PHTF2: variants seen among roughly 807,000 people sequenced by gnomAD.
PHTF2 encodes protein PHTF2.
Under a neutral mutation model 101.2 loss-of-function variants are expected in PHTF2, and 60 were observed. The ratio of observed to expected loss-of-function variants is 0.59; its 90% CI spans 0.48 to 0.73. The LOEUF (loss-of-function observed/expected upper bound fraction) is 0.73. PHTF2 is among the 30% of genes least tolerant of loss of function. The pLI is 0.00. For missense variants in PHTF2, 747 were observed against 908.7 expected (o/e 0.82, Z 2.29); for synonymous variants, 311 against 307.3 (o/e 1.01, Z -0.13).
intron 6 of PHTF2, among the ~76,000 whole-genome samples, chr7:77,901,453 A>G (rs567382438): frequency 4.9e-5 from 4 of 81,490 alleles, no homozygotes; most frequent in South Asian, 5.2e-4. Flanking sequence ...GTGAGATCCT[A>G]TCTCAACAAA....
At chr7:77,867,701 T>C (rs569034465) in intron 3 of PHTF2, among the ~76,000 whole-genome samples, 3 of 152,340 alleles carry the variant, frequency 2.0e-5, no homozygotes, top group South Asian at 2.1e-4. Context: ...TGGTGTATCA[T>C]AGGAAAAAAT....
chr7:77,836,790 G>A (rs555837657), intron 1 of PHTF2, among the ~76,000 whole-genome samples: 1 of 151,898 alleles, frequency 6.6e-6, no homozygotes, highest in Non-Finnish European at 1.5e-5. Context: ...GAGACAGGGA[G>A]GGAAACATCA....
At chr7:77,934,890 C>T (rs62462695) in intron 12 of PHTF2, among the ~76,000 whole-genome samples, 5,956 of 151,214 alleles carry the variant, frequency 0.039, 180 homozygotes, top group Non-Finnish European at 0.062. Flanking sequence ...ACCCGGGAGG[C>T]GAAGGTTTCA....
At chr7:77,927,829 CTCAGAAGTAGCCTACTG>C (rs2150937805) in intron 11 of PHTF2, among the ~76,000 whole-genome samples, 1 of 152,286 alleles carries the variant, frequency 6.6e-6, no homozygotes, top group Admixed American at 6.5e-5. Flanking sequence ...TGCTTAGGGG[CTCAGAAGTAGCCTACTG>C]TCACTGGAGT....
At chr7:77,893,727 T>G (rs1800643181) in intron 4 of PHTF2, 63 bp downstream of exon 3, 1 of 710,614 alleles carries the variant, frequency 1.4e-6, no homozygotes, top group Non-Finnish European at 2.4e-6. Context: ...TAATTACATT[T>G]TCTGTAGTGT....
At chr7:77,815,870 G>A (rs542857043) in intron 1 of PHTF2, among the ~76,000 whole-genome samples, 4 of 152,044 alleles carry the variant, frequency 2.6e-5, no homozygotes, top group East Asian at 1.9e-4. Context: ...CTGCTGTCTC[G>A]GATCTGCTAG....
rs144003874 is a variant in PHTF2 at position 77,863,849 on chromosome 7, C to T, written c.147+9015C>T. Among the ~76,000 whole-genome samples, 1,222 of 149,736 alleles carry T rather than the reference C, an allele frequency of 8.2e-3. 21 individuals are homozygous for T. Among genetic ancestry groups the T allele is most frequent in the African/African-American group, 0.028 (1,142 of 40,542 alleles). On this transcript the variant is annotated intron_variant, in intron 3 of 19. Coordinates refer to ENST00000416283, the Ensembl canonical transcript of PHTF2. ...TCGCCCAAGCTGGAGTGCAGTGGCA[C>T]GATCATGGCTCACTGCAGCTTCAAC... is the stretch of plus-strand genomic sequence containing the variant.
intron 9 of PHTF2, among the ~76,000 whole-genome samples, chr7:77,915,446 C>T (rs1802819560): frequency 6.6e-6 from 1 of 152,022 alleles, no homozygotes; most frequent in African/African-American, 2.4e-5. Flanking sequence ...CTCTTGACCT[C>T]ACGATCCGCC....
At chr7:77,841,790 T>A (rs1157125045) in intron 2 of PHTF2, among the ~76,000 whole-genome samples, 1 of 152,200 alleles carries the variant, frequency 6.6e-6, no homozygotes. Context: ...TAAAAATCAG[T>A]CTGCTTAGCT....
At chr7:77,825,863 G>A (rs926011213) in intron 1 of PHTF2, among the ~76,000 whole-genome samples, 1 of 152,034 alleles carries the variant, frequency 6.6e-6, no homozygotes, top group Non-Finnish European at 1.5e-5. Context: ...AAAAATAAAC[G>A]AAAGAAGTAA....
intron 2 of PHTF2, among the ~76,000 whole-genome samples, chr7:77,843,532 G>A (rs921745337): frequency 6.6e-6 from 1 of 152,160 alleles, no homozygotes; most frequent in South Asian, 2.1e-4. Flanking sequence ...ACTGGCTTAG[G>A]TCACACAGAT....
chr7:77,942,451 T>G (rs1805706309), intron 15 of PHTF2, among the ~76,000 whole-genome samples: 1 of 152,204 alleles, frequency 6.6e-6, no homozygotes, highest in Non-Finnish European at 1.5e-5. Context: ...AAATGAAGTA[T>G]TTGAAAGTTA....
chr7:77,852,984 C>G (rs1480916525), intron 2 of PHTF2, among the ~76,000 whole-genome samples: 2 of 152,124 alleles, frequency 1.3e-5, no homozygotes, highest in African/African-American at 4.8e-5. Context: ...TGTTTCTTTT[C>G]TTTTGCCAGT....
At chr7:77,816,848 C>T (rs917036748) in intron 1 of PHTF2, among the ~76,000 whole-genome samples, 18 of 152,108 alleles carry the variant, frequency 1.2e-4, no homozygotes, top group Non-Finnish European at 2.2e-4. Flanking sequence ...TGGCTTTTTT[C>T]GCTTAACATG....
At chr7:77,856,748 T>C (rs1359182016) in intron 3 of PHTF2, among the ~76,000 whole-genome samples, 1 of 152,128 alleles carries the variant, frequency 6.6e-6, no homozygotes, top group Non-Finnish European at 1.5e-5. Flanking sequence ...ACAGTTATAA[T>C]GTATTAGGTA....
chr7:77,896,371 C>G (rs1800876319), intron 5 of PHTF2, among the ~76,000 whole-genome samples: 1 of 151,962 alleles, frequency 6.6e-6, no homozygotes, highest in African/African-American at 2.4e-5. Context: ...GCTTGGGCAA[C>G]AAAGTGAGAC....
At chr7:77,809,244 T>TTTTTTTTTTA (rs1276080098) in intron 1 of PHTF2, among the ~76,000 whole-genome samples, 2 of 128,904 alleles carry the variant, frequency 1.6e-5, no homozygotes, top group African/African-American at 6.1e-5. Flanking sequence ...TTTTTTTTTT[T>TTTTTTTTTTA]GAGATGGAGT....
intron 15 of PHTF2, among the ~76,000 whole-genome samples, chr7:77,942,074 C>T (rs189524680): frequency 6.6e-6 from 1 of 152,130 alleles, no homozygotes; most frequent in African/African-American, 2.4e-5. Flanking sequence ...TATGTTCTTG[C>T]ACATGCCCTT....
intron 1 of PHTF2, among the ~76,000 whole-genome samples, chr7:77,836,735 G>T (rs566545390): frequency 6.6e-6 from 1 of 151,960 alleles, no homozygotes; most frequent in East Asian, 1.9e-4. Flanking sequence ...ACCAAATGCT[G>T]CATGTTCTCA....
Sources: gnomAD v4.1 joint callset for allele counts (sites outside exome capture counted in the v4.1 genomes callset) on GRCh38, gnomAD v4.1.1 for gene constraint, MANE v1.5 for transcripts, NCBI Gene and HGNC (gene_info 2026-07-23, HGNC 2026-07-21) for gene names.